Variants in MAGI2 observed in about 807,000 individuals in gnomAD.
The protein encoded by MAGI2 is membrane associated guanylate kinase, WW and PDZ domain containing 2, also known as membrane-associated guanylate kinase, WW and PDZ domain-containing protein 2.
In MAGI2, 35 loss-of-function variants were observed where a neutral mutation model predicts 133.3. That is an observed-to-expected ratio of 0.26 (90% CI 0.20 to 0.35). The LOEUF is 0.35. MAGI2 is among the 10% of genes least tolerant of loss of function. MAGI2 has a pLI of 1.00. For missense variants in MAGI2, 1,636 were observed against 1,863.4 expected (o/e 0.88, Z 2.25); for synonymous variants, 729 against 710.6 (o/e 1.03, Z -0.41).
chr7:78,446,298 T>A (rs1248760928), intron 6 of MAGI2, among the ~76,000 whole-genome samples: 2 of 152,030 alleles, frequency 1.3e-5, no homozygotes, highest in African/African-American at 4.8e-5. Context: ...ATTTTTAAAA[T>A]TTTTAAAGTT....
At chr7:78,966,676 T>C (rs1803336971) in intron 2 of MAGI2, among the ~76,000 whole-genome samples, 1 of 152,116 alleles carries the variant, frequency 6.6e-6, no homozygotes, top group Non-Finnish European at 1.5e-5. Context: ...TTTCAATTCT[T>C]TTGGATAACA....
At chr7:79,326,013 C>A (rs1265854569) in intron 1 of MAGI2, among the ~76,000 whole-genome samples, 3 of 152,022 alleles carry the variant, frequency 2.0e-5, no homozygotes, top group Non-Finnish European at 2.9e-5. Context: ...TGTGAATCAC[C>A]CCCAAATAAG....
intron 2 of MAGI2, among the ~76,000 whole-genome samples, chr7:78,903,267 C>T (rs1797754216): frequency 7.1e-6 from 1 of 140,964 alleles, no homozygotes; most frequent in Non-Finnish European, 1.5e-5. Context: ...TGTCTTGGCT[C>T]ACCGCAAGCT....
intron 2 of MAGI2, among the ~76,000 whole-genome samples, chr7:78,789,431 T>C (rs771308464): frequency 3.3e-5 from 5 of 152,242 alleles, no homozygotes; most frequent in Admixed American, 6.5e-5. Flanking sequence ...CCACAGACGA[T>C]GAATGATATT....
chr7:79,103,679 A>C (rs1268801094), intron 1 of MAGI2, among the ~76,000 whole-genome samples: 1 of 151,614 alleles, frequency 6.6e-6, no homozygotes, highest in Non-Finnish European at 1.5e-5. Flanking sequence ...GCAGCATTTT[A>C]TTTATTTATT....
intron 2 of MAGI2, among the ~76,000 whole-genome samples, chr7:78,959,637 T>G (rs1404447451): frequency 1.3e-5 from 2 of 152,184 alleles, no homozygotes; most frequent in Admixed American, 1.3e-4. Context: ...GAATCATTGA[T>G]GTATGTTTCA....
intron 1 of MAGI2, among the ~76,000 whole-genome samples, chr7:79,122,648 CTT>C (rs1042120289): frequency 2.1e-5 from 3 of 145,622 alleles, no homozygotes; most frequent in Non-Finnish European, 3.0e-5. Context: ...TAATATATTA[CTT>C]TTTTTTTTTT....
intron 1 of MAGI2, among the ~76,000 whole-genome samples, chr7:79,179,852 T>C (rs13239380): frequency 0.78 from 119,233 of 151,916 alleles, 47,773 homozygotes; most frequent in Non-Finnish European, 0.87. Context: ...TGCATCAGGA[T>C]ATTGCTCTAG....
chr7:78,210,098 A>G (rs1431346407), intron 10 of MAGI2, among the ~76,000 whole-genome samples: 1 of 152,000 alleles, frequency 6.6e-6, no homozygotes, highest in African/African-American at 2.4e-5. Context: ...TCTATTTGTA[A>G]TTATATTTAT....
At chr7:78,083,365 G>T (rs1355421512) in intron 20 of MAGI2, among the ~76,000 whole-genome samples, 3 of 118,704 alleles carry the variant, frequency 2.5e-5, no homozygotes, top group African/African-American at 6.5e-5. Flanking sequence ...ATGGTGGGGG[G>T]GCGGGGGAGG....
chr7:78,557,683 T>A (rs1182843093), intron 3 of MAGI2, among the ~76,000 whole-genome samples: 1 of 152,160 alleles, frequency 6.6e-6, no homozygotes, highest in Non-Finnish European at 1.5e-5. Flanking sequence ...AGAAGGTCAG[T>A]GACAACCCCA....
intron 1 of MAGI2, among the ~76,000 whole-genome samples, chr7:79,273,278 A>G (rs527779882): frequency 1.3e-5 from 2 of 152,232 alleles, no homozygotes; most frequent in African/African-American, 4.8e-5. Flanking sequence ...TCTTTCAAAG[A>G]CACTTAGCCA....
At chr7:78,665,282 G>A (rs1813428122) in intron 2 of MAGI2, among the ~76,000 whole-genome samples, 1 of 152,084 alleles carries the variant, frequency 6.6e-6, no homozygotes, top group Non-Finnish European at 1.5e-5. Flanking sequence ...TTTCATACAT[G>A]AAGTAAAATC....
intron 3 of MAGI2, among the ~76,000 whole-genome samples, chr7:78,572,509 T>A (rs1342901175): frequency 1.3e-5 from 2 of 152,152 alleles, no homozygotes; most frequent in Non-Finnish European, 2.9e-5. Flanking sequence ...TCCCTGACTC[T>A]GTTGAAAGTA....
At chr7:79,135,417 C>A (rs6966617) in intron 1 of MAGI2, among the ~76,000 whole-genome samples, 5 of 152,056 alleles carry the variant, frequency 3.3e-5, no homozygotes, top group Non-Finnish European at 7.4e-5. Flanking sequence ...GACATATAAC[C>A]CTCTGGATAT....
chr7:78,030,414 G>A lies in MAGI2; in HGVS notation c.3707-10438C>T, dbSNP rs372543360. On this transcript the variant is annotated intron_variant, in intron 21 of 21. Transcript: ENST00000354212. Reference sequence around the variant, plus strand: ...TGGGATTACAGGCACACGCCACCAAGCCCAGCTAATTTTTGTATTTTTAGT... The same window carrying A: ...TGGGATTACAGGCACACGCCACCAAACCCAGCTAATTTTTGTATTTTTAGT... 1.1e-3 allele frequency among the ~76,000 whole-genome samples: 164 copies of A among 152,176 alleles called. 4 individuals carry two copies. The East Asian group carries it at 0.026, about 24-fold the overall frequency.
chr7:78,446,069 A>G (rs980090838), intron 6 of MAGI2, among the ~76,000 whole-genome samples: 7 of 146,670 alleles, frequency 4.8e-5, no homozygotes, highest in Non-Finnish European at 9.0e-5. Context: ...TTCGTCTTTA[A>G]AATCTAGTAG....
intron 3 of MAGI2, among the ~76,000 whole-genome samples, chr7:78,545,124 T>C (rs1291632439): frequency 1.3e-5 from 2 of 151,492 alleles, no homozygotes; most frequent in Non-Finnish European, 2.9e-5. Flanking sequence ...GTAGGTTTTA[T>C]CAATAGAACA....
Position 78,683,827 on chromosome 7 carries a change from T to C in MAGI2, c.419-56588A>G, listed in dbSNP as rs965523237. 1.4e-4 allele frequency among the ~76,000 whole-genome samples: 21 copies of C among 152,224 alleles called. 1 individual carries two copies. Among genetic ancestry groups the C allele is most frequent in the Non-Finnish European group, 2.9e-4 (20 of 68,034 alleles). On this transcript the variant is annotated intron_variant, in intron 2 of 21. Transcript: ENST00000354212. ...GTTACTGAATACTAACGTTTCTGTC[T>C]CTTTGGTGGAGAACAGTACACTGTA...
Sources: allele counts gnomAD v4.1 joint callset (sites outside exome capture counted in the v4.1 genomes callset), GRCh38; gene constraint gnomAD v4.1.1; transcripts MANE v1.5; gene names NCBI Gene and HGNC (gene_info 2026-07-23, HGNC 2026-07-21).